KMT2C: variants seen among roughly 807,000 people sequenced by gnomAD.
KMT2C encodes lysine methyltransferase 2C.
A neutral mutation model predicts 507.9 loss-of-function variants in KMT2C; 88 were observed. The ratio of observed to expected loss-of-function variants is 0.17; its 90% confidence interval spans 0.15 to 0.21. KMT2C has a LOEUF of 0.21. KMT2C is among the 10% of genes least tolerant of loss of function. The pLI is 1.00. For synonymous variants in KMT2C, 2,049 were observed against 2,080.8 expected, an observed-to-expected ratio of 0.98 and a Z score of 0.42; for missense variants, 4,954 against 5,957.8, an observed-to-expected ratio of 0.83 and a Z score of 5.55.
chr7:152,174,578 T>C (rs1054805436), intron 38 of KMT2C, among the ~76,000 whole-genome samples: 4 of 152,166 alleles, frequency 2.6e-5, no homozygotes, highest in African/African-American at 4.8e-5. Context: ...AAATAAGAAT[T>C]TGCAATACTA....
chr7:152,219,863 C>T (rs545961797), intron 23 of KMT2C, among the ~76,000 whole-genome samples: 2 of 151,974 alleles, frequency 1.3e-5, no homozygotes, highest in East Asian at 1.9e-4. Context: ...ATTAGCCAGG[C>T]GTGGTGGCCC....
At chr7:152,320,358 C>T (rs1388714226) in intron 3 of KMT2C, among the ~76,000 whole-genome samples, 2 of 152,162 alleles carry the variant, frequency 1.3e-5, no homozygotes, top group Admixed American at 1.3e-4. Context: ...AAGCAATTCT[C>T]CTGCCTCAGC....
intron 50 of KMT2C, 92 bp from the exon 51 acceptor site, chr7:152,151,099 G>A (rs781153768): frequency 1.2e-4 from 91 of 752,548 alleles, no homozygotes; most frequent in Non-Finnish European, 1.7e-4. Context: ...ATATTCAAAA[G>A]TGACAGTGGT....
chr7:152,234,996 A>G (rs1459180936), intron 16 of KMT2C, among the ~76,000 whole-genome samples: 1 of 152,184 alleles, frequency 6.6e-6, no homozygotes, highest in Non-Finnish European at 1.5e-5. Context: ...AACAGCACAG[A>G]TGAATCTCCA....
chr7:152,377,947 T>G (rs187807856), intron 1 of KMT2C, among the ~76,000 whole-genome samples: 1 of 152,280 alleles, frequency 6.6e-6, no homozygotes, highest in East Asian at 1.9e-4. Flanking sequence ...GTGGAGGAAG[T>G]CATTGCAGAT....
intron 37 of KMT2C, among the ~76,000 whole-genome samples, chr7:152,178,556 T>C (rs1425552725): frequency 6.6e-6 from 1 of 152,154 alleles, no homozygotes; most frequent in African/African-American, 2.4e-5. Flanking sequence ...AATGTATAAA[T>C]TGTTGGACTA....
chr7:152,241,939 A>T (rs1389007039), intron 14 of KMT2C, among the ~76,000 whole-genome samples: 1 of 151,906 alleles, frequency 6.6e-6, no homozygotes, highest in Non-Finnish European at 1.5e-5. Flanking sequence ...CTTCAAAAAG[A>T]AGACAGACTT....
At chr7:152,160,128 T>C (rs1057325372) in intron 43 of KMT2C, among the ~76,000 whole-genome samples, 3 of 152,236 alleles carry the variant, frequency 2.0e-5, no homozygotes, top group African/African-American at 4.8e-5. Flanking sequence ...GAATTTTGTA[T>C]AATTTTTATG....
chr7:152,311,396 A>G (rs2096670228), intron 5 of KMT2C, among the ~76,000 whole-genome samples: 1 of 152,188 alleles, frequency 6.6e-6, no homozygotes, highest in Non-Finnish European at 1.5e-5. Context: ...GCTGAGTTAC[A>G]ATACTGTTAT....
At chr7:152,160,993 T>C (rs950323553) in intron 43 of KMT2C, among the ~76,000 whole-genome samples, 1 of 152,026 alleles carries the variant, frequency 6.6e-6, no homozygotes, top group Non-Finnish European at 1.5e-5. Flanking sequence ...TCCAGACGTA[T>C]ATAAGAAGGG....
In KMT2C at chr7:152,156,195, A is replaced by G. The variant is rs2092033891; in HGVS notation, c.11812+10T>C. ...CTCCGAGGTGTGAAATTTGGAGGCTATAATCATACCTTCATGGCTCACTAA... is the reference window on the plus strand; with the variant it reads ...CTCCGAGGTGTGAAATTTGGAGGCTGTAATCATACCTTCATGGCTCACTAA... On this transcript the variant is annotated intron_variant, in intron 45 of 58. Coordinates refer to ENST00000262189, the MANE Select transcript of KMT2C (RefSeq NM_170606.3). 3.7e-6 allele frequency: 6 copies of G among 1,613,720 alleles called. No individual in the cohort carries two copies. Among genetic ancestry groups the G allele is most frequent in the East Asian group, 4.5e-5 (2 of 44,888 alleles).
rs373649142 is a variant in KMT2C, at chr7:152,179,067, T to A, written c.7442+767A>T. Among the ~76,000 whole-genome samples, 74 of 152,346 alleles carry A rather than the reference T, an allele frequency of 4.9e-4. 1 individual carries two copies. The highest frequency in any genetic ancestry group is 1.9e-3 in the Admixed American group (29 of 15,308). On this transcript the variant is annotated intron_variant, in intron 37 of 58. Transcript: ENST00000262189. ...GTGCAGTGGCGTGACCTCGGCTCACTGCAACCTCCACCTCCTGGGTTCAAG... is the reference window on the plus strand; with the variant it reads ...GTGCAGTGGCGTGACCTCGGCTCACAGCAACCTCCACCTCCTGGGTTCAAG...
At chr7:152,229,005 T>C (rs1361125409) in intron 18 of KMT2C, among the ~76,000 whole-genome samples, 2 of 152,178 alleles carry the variant, frequency 1.3e-5, no homozygotes, top group Non-Finnish European at 2.9e-5. Context: ...AGTGTAGTTA[T>C]CAACAAAGAA....
intron 48 of KMT2C, among the ~76,000 whole-genome samples, chr7:152,153,757 T>C (rs960242299): frequency 3.3e-5 from 5 of 151,236 alleles, no homozygotes; most frequent in Non-Finnish European, 7.4e-5. Flanking sequence ...AAAAGAGTTC[T>C]CTAAAGTATA....
At chr7:152,407,932 A>T (rs1251003586) in intron 1 of KMT2C, among the ~76,000 whole-genome samples, 1 of 152,302 alleles carries the variant, frequency 6.6e-6, no homozygotes, top group African/African-American at 2.4e-5. Context: ...ACTGTTTCCA[A>T]ATCAACAGTC....
intron 1 of KMT2C, among the ~76,000 whole-genome samples, chr7:152,420,790 G>A (rs908403527): frequency 6.6e-6 from 1 of 151,136 alleles, no homozygotes; most frequent in Admixed American, 6.6e-5. Context: ...AGCTGAGATC[G>A]CACCACTGCA....
At chr7:152,267,411 T>C (rs765913317) in intron 7 of KMT2C, among the ~76,000 whole-genome samples, 6 of 152,214 alleles carry the variant, frequency 3.9e-5, no homozygotes, top group Non-Finnish European at 7.3e-5. Context: ...GAAACCTTAG[T>C]ATCACTGTTC....
chr7:152,364,934 GACACACACACACACACACACACACAC>G (rs71198778), intron 1 of KMT2C, among the ~76,000 whole-genome samples: 1 of 138,058 alleles, frequency 7.2e-6, no homozygotes, highest in East Asian at 2.1e-4. Flanking sequence ...GAAACAGACA[GACACACACACACACACACACACACAC>G]ACACACACAC....
chr7:152,409,882 G>A (rs985001597), intron 1 of KMT2C, among the ~76,000 whole-genome samples: 10 of 150,800 alleles, frequency 6.6e-5, no homozygotes, highest in African/African-American at 2.4e-4. Context: ...TGCTATACCC[G>A]AATCACAGTG....
Sources: gnomAD v4.1 joint callset for allele counts (sites outside exome capture counted in the v4.1 genomes callset) on GRCh38, gnomAD v4.1.1 for gene constraint, MANE v1.5 for transcripts, NCBI Gene and HGNC (gene_info 2026-07-23, HGNC 2026-07-21) for gene names.